PTPN1: variants seen among roughly 807,000 people sequenced by gnomAD.
The protein encoded by PTPN1 is tyrosine-protein phosphatase non-receptor type 1.
A neutral mutation model predicts 59.9 loss-of-function variants in PTPN1; 12 were observed. That is an observed-to-expected ratio of 0.20 (90% CI 0.13 to 0.32). The LOEUF is 0.32. Ranked by LOEUF, PTPN1 falls within the 10% of genes least tolerant of loss-of-function variation. The pLI is 1.00. For synonymous variants in PTPN1, 178 were observed against 203.6 expected, an observed-to-expected ratio of 0.87 and a Z score of 1.07; for missense variants, 356 against 549.2, an observed-to-expected ratio of 0.65 and a Z score of 3.52.
In PTPN1 at chr20:50,545,477, G is replaced by A. The variant is rs150449548; in HGVS notation, c.64-15886G>A. ...TTATTCAGCAATATCCTAAATTAGC[G>A]CTATGTTAGTGGAGTTGCATCTCCC... On this transcript the variant is annotated intron_variant, in intron 1 of 9. Transcript: ENST00000371621. Among the ~76,000 whole-genome samples, 835 of 152,256 alleles carry A rather than the reference G, an allele frequency of 5.5e-3. 10 individuals carry two copies. Among genetic ancestry groups the A allele is most frequent in the African/African-American group, 0.019 (801 of 41,538 alleles).
chr20:50,569,087 GTCT>G (rs145480411), intron 4 of PTPN1, among the ~76,000 whole-genome samples: 263 of 152,268 alleles, frequency 1.7e-3, no homozygotes, highest in African/African-American at 6.2e-3. Flanking sequence ...TTGCATCTGG[GTCT>G]AGCCACCTCT....
rs758834091 is a variant in PTPN1 at position 50,584,011 on chromosome 20, G to A, written c.*1296G>A. On this transcript the variant is annotated 3_prime_UTR_variant, in exon 10 of 10. Coordinates refer to ENST00000371621, the MANE Select transcript of PTPN1 (RefSeq NM_002827.4). Reference sequence around the variant, plus strand: ...GGCAGCCTGCCGCCGTCTCTGTCCCGGTTCACCTTGCCGAGAGAGGCGCGT... The same window carrying A: ...GGCAGCCTGCCGCCGTCTCTGTCCCAGTTCACCTTGCCGAGAGAGGCGCGT... The A allele has an allele frequency of 6.6e-6, 1 of 152,632 alleles. No individual in the cohort carries two copies. Among genetic ancestry groups the A allele is most frequent in the Non-Finnish European group, 1.5e-5 (1 of 68,054 alleles). 9.5% of individuals were successfully genotyped at this position (152,632 alleles called of 1,614,324 possible).
chr20:50,539,463 C>T (rs553055167), intron 1 of PTPN1, among the ~76,000 whole-genome samples: 8 of 152,224 alleles, frequency 5.3e-5, no homozygotes, highest in Non-Finnish European at 8.8e-5. Flanking sequence ...ATTTTAAGGC[C>T]ATTTGGTCTG....
intron 4 of PTPN1, chr20:50,571,408 A>G (rs1223896366): frequency 6.6e-6 from 1 of 152,208 alleles, no homozygotes; most frequent in African/African-American, 2.4e-5. Context: ...TTTCTTTGGG[A>G]TCAACATTTT....
chr20:50,529,549 G>A (rs2082591687), intron 1 of PTPN1, among the ~76,000 whole-genome samples: 1 of 152,190 alleles, frequency 6.6e-6, no homozygotes, highest in Admixed American at 6.5e-5. Flanking sequence ...TATAGCAAAA[G>A]TTCTGAGCAG....
At position 50,579,932 on chromosome 20, in the gene PTPN1, A is replaced by G. The variant is rs1248616912; in HGVS notation, c.1088+6A>G. The G allele has an allele frequency of 2.5e-6, 4 of 1,611,388 alleles. No individual in the cohort carries two copies. The highest frequency in any genetic ancestry group is 4.5e-5 in the East Asian group (2 of 44,894). On this transcript the variant is annotated splice_donor_region_variant and intron_variant, in intron 8 of 9. Transcript: ENST00000371621. ...GCACCCTACGGCATCGAAAGGTAAT[A>G]TGATTGGGTCCCAGCTTGTTGGGGT... is the stretch of plus-strand genomic sequence containing the variant.
At chr20:50,518,488 A>C (rs541704838) in intron 1 of PTPN1, among the ~76,000 whole-genome samples, 2 of 152,312 alleles carry the variant, frequency 1.3e-5, no homozygotes, top group Non-Finnish European at 2.9e-5. Context: ...TGCTTCTGTA[A>C]GGATAAAGGG....
chr20:50,539,644 C>CTTTTTTTTT (rs5841806), intron 1 of PTPN1, among the ~76,000 whole-genome samples: 4 of 90,526 alleles, frequency 4.4e-5, no homozygotes, highest in African/African-American at 9.1e-5. Flanking sequence ...CTCTTTCTCT[C>CTTTTTTTTT]TTTTTTTTTT....
chr20:50,515,613 A>G (rs2082525676), intron 1 of PTPN1, among the ~76,000 whole-genome samples: 1 of 152,136 alleles, frequency 6.6e-6, no homozygotes, highest in South Asian at 2.1e-4. Context: ...TTTATATCCC[A>G]GGTCTATCTC....
At chr20:50,511,495 G>A (rs868624257) in intron 1 of PTPN1, among the ~76,000 whole-genome samples, 40 of 152,134 alleles carry the variant, frequency 2.6e-4, no homozygotes, top group African/African-American at 8.7e-4. Context: ...TTTCAGGCAG[G>A]GACTCAGGAA....
At chr20:50,548,320 TCTC>T (rs1285357069) in intron 1 of PTPN1, among the ~76,000 whole-genome samples, 2 of 152,202 alleles carry the variant, frequency 1.3e-5, no homozygotes, top group Non-Finnish European at 2.9e-5. Flanking sequence ...TTCAGTCACA[TCTC>T]CTTGTTCTGG....
intron 2 of PTPN1, chr20:50,562,888 A>T (rs1160604309): frequency 6.6e-6 from 1 of 152,166 alleles, no homozygotes. Context: ...AGTTGCTCTA[A>T]TTAGGGAATA....
chr20:50,576,389 C>T (rs1183509255), intron 5 of PTPN1, among the ~76,000 whole-genome samples: 2 of 152,092 alleles, frequency 1.3e-5, no homozygotes, highest in Admixed American at 1.3e-4. Flanking sequence ...CTGTTTGCTC[C>T]AACAGACTTT....
intron 5 of PTPN1, among the ~76,000 whole-genome samples, chr20:50,576,896 T>A (rs1300317888): frequency 1.3e-5 from 2 of 152,220 alleles, no homozygotes; most frequent in Admixed American, 6.5e-5. Context: ...AATAATTTTT[T>A]AAAAATACAT....
At chr20:50,559,097 AC>A (rs1185735458) in intron 1 of PTPN1, among the ~76,000 whole-genome samples, 1 of 145,502 alleles carries the variant, frequency 6.9e-6, no homozygotes, top group Admixed American at 6.9e-5. Context: ...AGTGGCGCCA[AC>A]TCGGCTCACT....
At chr20:50,565,340 G>C (rs1057000984) in intron 3 of PTPN1, among the ~76,000 whole-genome samples, 2 of 152,232 alleles carry the variant, frequency 1.3e-5, no homozygotes, top group Non-Finnish European at 2.9e-5. Context: ...TGTGTGGTCT[G>C]TTGGCAGAGA....
intron 1 of PTPN1, among the ~76,000 whole-genome samples, chr20:50,554,280 T>C (rs555436035): frequency 1.2e-3 from 183 of 152,198 alleles, no homozygotes; most frequent in African/African-American, 4.2e-3. Context: ...CTAGCTAGCC[T>C]GGAGGCTAAG....
chr20:50,571,507 T>A (rs940138598), intron 4 of PTPN1: 5 of 152,244 alleles, frequency 3.3e-5, no homozygotes, highest in African/African-American at 1.2e-4. Flanking sequence ...GCTAATCTAA[T>A]TATAAATGAT....
intron 3 of PTPN1, among the ~76,000 whole-genome samples, chr20:50,566,281 T>G (rs2082778784): frequency 6.6e-6 from 1 of 152,222 alleles, no homozygotes; most frequent in Non-Finnish European, 1.5e-5. Context: ...TTCCTACTTC[T>G]TGATTTCAGC....
Sources: allele counts gnomAD v4.1 joint callset (sites outside exome capture counted in the v4.1 genomes callset), GRCh38; gene constraint gnomAD v4.1.1; transcripts MANE v1.5; gene names NCBI Gene and HGNC (gene_info 2026-07-23, HGNC 2026-07-21).